Variants in FGF14 observed in about 807,000 individuals in gnomAD.
FGF14 encodes fibroblast growth factor 14.
In FGF14, 5 loss-of-function variants were observed where a neutral mutation model predicts 25.5. That is an observed-to-expected ratio of 0.20 (90% CI 0.10 to 0.41). The LOEUF is 0.41. Ranked by LOEUF, FGF14 falls within the 10% of genes least tolerant of loss-of-function variation. The pLI is 1.00. For missense variants in FGF14, 222 were observed against 320.1 expected, an observed-to-expected ratio of 0.69 and a Z score of 2.34; for synonymous variants, 138 against 118.3, an observed-to-expected ratio of 1.17 and a Z score of -1.08.
chr13:102,024,914 C>T (rs1206766307), intron 1 of FGF14, among the ~76,000 whole-genome samples: 1 of 151,248 alleles, frequency 6.6e-6, no homozygotes, highest in African/African-American at 2.4e-5. Context: ...GGATGTACTT[C>T]CAGAATCTCA....
At chr13:101,943,971 A>G (rs1207287276) in intron 1 of FGF14, among the ~76,000 whole-genome samples, 1 of 146,928 alleles carries the variant, frequency 6.8e-6, no homozygotes, top group Non-Finnish European at 1.5e-5. Flanking sequence ...ATTGCACTCC[A>G]GCCTGGGCAA....
At chr13:101,795,932 G>A (rs567881209) in intron 3 of FGF14, among the ~76,000 whole-genome samples, 1 of 152,012 alleles carries the variant, frequency 6.6e-6, no homozygotes, top group Admixed American at 6.6e-5. Flanking sequence ...AAATACAGCT[G>A]AATTGAGGAA....
At chr13:101,994,284 AAGTT>A (rs2039064222) in intron 1 of FGF14, among the ~76,000 whole-genome samples, 1 of 151,978 alleles carries the variant, frequency 6.6e-6, no homozygotes, top group Non-Finnish European at 1.5e-5. Context: ...ATAAAATTAA[AAGTT>A]AGAAAAATAA....
chr13:101,771,914 C>T (rs1165913331), intron 3 of FGF14, among the ~76,000 whole-genome samples: 3 of 152,024 alleles, frequency 2.0e-5, no homozygotes, highest in Middle Eastern at 6.8e-3. Flanking sequence ...ACCTTTCCAG[C>T]CCATATACAT....
intron 1 of FGF14, among the ~76,000 whole-genome samples, chr13:102,159,147 AAAAAAAAAAAG>A (rs1292565366): frequency 2.7e-5 from 4 of 149,944 alleles, no homozygotes; most frequent in Admixed American, 6.6e-5. Flanking sequence ...CTCAAAAAAA[AAAAAAAAAAAG>A]AAAAGAAAAG....
intron 1 of FGF14, among the ~76,000 whole-genome samples, chr13:102,011,600 CA>C (rs2040081766): frequency 1.3e-5 from 2 of 151,730 alleles, no homozygotes; most frequent in Non-Finnish European, 2.9e-5. Context: ...GAAGCTTATC[CA>C]TAGCTGAGAG....
Position 102,083,152 on chromosome 13 carries a change from C to G in FGF14, c.209-207856G>C, listed in dbSNP as rs557977948. On this transcript the variant is annotated intron_variant, in intron 1 of 4. Transcript: ENST00000376131. ...CAACTAATTCCTCAGCACATTTTGT[C>G]TACTCTACCTTCAAATATTTTAGAG... Among the ~76,000 whole-genome samples the G allele has an allele frequency of 2.6e-5, 4 of 152,252 alleles. No individual in the cohort carries two copies. The South Asian group carries it at 8.3e-4, about 32-fold the overall frequency.
intron 1 of FGF14, among the ~76,000 whole-genome samples, chr13:102,188,743 C>T (rs915258711): frequency 2.6e-5 from 4 of 151,658 alleles, no homozygotes; most frequent in Non-Finnish European, 5.9e-5. Context: ...AGTTCGAGAC[C>T]AGCCTGGCCA....
chr13:102,305,848 G>C (rs2055344928), intron 1 of FGF14, among the ~76,000 whole-genome samples: 1 of 152,078 alleles, frequency 6.6e-6, no homozygotes, highest in African/African-American at 2.4e-5. Flanking sequence ...TATTTACTCT[G>C]GTCTTGTTAT....
Position 101,931,398 on chromosome 13 carries a change from C to T in FGF14, c.209-56102G>A, listed in dbSNP as rs1299586913. 2.6e-5 allele frequency among the ~76,000 whole-genome samples: 4 copies of T among 152,270 alleles called. No individual in the cohort carries two copies. The East Asian group carries it at 5.8e-4, about 22-fold the overall frequency. On this transcript the variant is annotated intron_variant, in intron 1 of 4. Transcript: ENST00000376131. ...TAGTTTGCATTTGCTTTCTTTGGCA[C>T]TTCTTCAGAATACACATTTTGATGC... is the stretch of plus-strand genomic sequence containing the variant.
intron 1 of FGF14, among the ~76,000 whole-genome samples, chr13:102,268,157 T>C (rs1489050224): frequency 6.6e-6 from 1 of 152,134 alleles, no homozygotes; most frequent in Admixed American, 6.6e-5. Flanking sequence ...GTGAGCACTT[T>C]GAGGACAAAA....
intron 1 of FGF14, among the ~76,000 whole-genome samples, chr13:102,025,170 T>A (rs1010853230): frequency 2.0e-5 from 3 of 151,802 alleles, no homozygotes; most frequent in African/African-American, 7.3e-5. Context: ...CGGCTATAAG[T>A]CCCTTCAATG....
At chr13:102,245,169 A>C (rs769863426) in intron 1 of FGF14, among the ~76,000 whole-genome samples, 1 of 152,072 alleles carries the variant, frequency 6.6e-6, no homozygotes, top group Non-Finnish European at 1.5e-5. Flanking sequence ...AGCTTGAGTG[A>C]GTCATGCAGT....
chr13:102,304,215 C>T (rs1235474058), intron 1 of FGF14, among the ~76,000 whole-genome samples: 1 of 152,014 alleles, frequency 6.6e-6, no homozygotes, highest in Non-Finnish European at 1.5e-5. Context: ...CCCTAGAGTC[C>T]TGTCTTCCTA....
At chr13:101,871,644 G>GT (rs1358520180) in intron 2 of FGF14, among the ~76,000 whole-genome samples, 1 of 151,872 alleles carries the variant, frequency 6.6e-6, no homozygotes, top group African/African-American at 2.4e-5. Flanking sequence ...GAACAATGAA[G>GT]TTTAAGAGCA....
chr13:102,196,786 A>G (rs2049373089), intron 1 of FGF14, among the ~76,000 whole-genome samples: 1 of 152,134 alleles, frequency 6.6e-6, no homozygotes, highest in South Asian at 2.1e-4. Context: ...AAAGGTTACT[A>G]TTCCTGTCTA....
In FGF14 at chr13:101,827,527, T is replaced by C. The variant is rs191010731; in HGVS notation, c.408+41198A>G. 2.2e-4 allele frequency among the ~76,000 whole-genome samples: 33 copies of C among 152,004 alleles called. 1 individual carries two copies. The East Asian group carries it at 6.2e-3, about 28-fold the overall frequency. ...TCTTTATAAATGCTTTTTATACTTA[T>C]TTACTTCAAGAAAGAGTAAGGCTAT... On this transcript the variant is annotated intron_variant, in intron 3 of 4. Transcript: ENST00000376143.
At chr13:101,757,518 C>T (rs2037742964) in intron 3 of FGF14, among the ~76,000 whole-genome samples, 1 of 152,176 alleles carries the variant, frequency 6.6e-6, no homozygotes, top group Non-Finnish European at 1.5e-5. Context: ...ATTAATTATT[C>T]ATGTAAGAAT....
intron 1 of FGF14, among the ~76,000 whole-genome samples, chr13:102,373,050 T>A (rs1594980438): frequency 6.6e-6 from 1 of 152,134 alleles, no homozygotes; most frequent in East Asian, 1.9e-4. Flanking sequence ...TGATGTTATA[T>A]ATTGACTTTT....
Sources: gnomAD v4.1 joint callset for allele counts (sites outside exome capture counted in the v4.1 genomes callset) on GRCh38, gnomAD v4.1.1 for gene constraint, MANE v1.5 for transcripts, NCBI Gene and HGNC (gene_info 2026-07-23, HGNC 2026-07-21) for gene names.